CUEDC1: variants seen among roughly 807,000 people sequenced by gnomAD.
CUEDC1 encodes CUE domain-containing protein 1.
CUEDC1 carries 30 observed loss-of-function variants against 43.7 expected under a neutral mutation model. That is an observed-to-expected ratio of 0.69 (90% CI 0.51 to 0.93). The LOEUF is 0.93. CUEDC1 is among the 40% of genes least tolerant of loss of function. CUEDC1 has a pLI of 0.00. For missense variants in CUEDC1, 486 were observed against 549.0 expected (o/e 0.89, Z 1.15); for synonymous variants, 223 against 223.6 (o/e 1.00, Z 0.02).
intron 1 of CUEDC1, among the ~76,000 whole-genome samples, chr17:57,893,904 G>T (rs1417342267): frequency 6.6e-6 from 1 of 152,152 alleles, no homozygotes; most frequent in Non-Finnish European, 1.5e-5. Flanking sequence ...GACCAGCCTG[G>T]CCAAAATGGT....
At chr17:57,944,210 ATTTT>A (rs60055226) in intron 1 of CUEDC1, among the ~76,000 whole-genome samples, 3 of 139,818 alleles carry the variant, frequency 2.1e-5, no homozygotes, top group African/African-American at 5.2e-5. Context: ...ATATATATAT[ATTTT>A]TTTTTTTTTT....
chr17:57,902,142 G>A (rs1332818570), intron 1 of CUEDC1, among the ~76,000 whole-genome samples: 3 of 151,398 alleles, frequency 2.0e-5, no homozygotes, highest in Non-Finnish European at 2.9e-5. Context: ...AGGGAGCCAA[G>A]ATCACGCCAT....
At chr17:57,901,872 T>A (rs1014363430) in intron 1 of CUEDC1, among the ~76,000 whole-genome samples, 2 of 152,202 alleles carry the variant, frequency 1.3e-5, no homozygotes, top group African/African-American at 2.4e-5. Flanking sequence ...TCGATAATCA[T>A]CATTAAAATA....
At chr17:57,867,237 C>A in intron 9 of CUEDC1, 120 bp downstream of exon 9, 1 of 947,660 alleles carries the variant, frequency 1.1e-6, no homozygotes, top group South Asian at 1.4e-5. Context: ...ACCTGCCCAC[C>A]AACCCTCAGT....
chr17:57,951,881 T>C (rs2075010604), intron 1 of CUEDC1, among the ~76,000 whole-genome samples: 1 of 152,220 alleles, frequency 6.6e-6, no homozygotes, highest in South Asian at 2.1e-4. Context: ...CATTTATCAT[T>C]TATGACCTGC....
At chr17:57,925,233 C>T (rs181483064) in intron 1 of CUEDC1, among the ~76,000 whole-genome samples, 28 of 151,930 alleles carry the variant, frequency 1.8e-4, no homozygotes, top group Non-Finnish European at 3.1e-4. Context: ...TTTTCTTTAA[C>T]GAGCATGTAA....
chr17:57,926,956 G>A (rs2074753230), intron 1 of CUEDC1, among the ~76,000 whole-genome samples: 1 of 152,174 alleles, frequency 6.6e-6, no homozygotes, highest in African/African-American at 2.4e-5. Flanking sequence ...TGAAACAGGA[G>A]GAAACGTAGG....
intron 1 of CUEDC1, among the ~76,000 whole-genome samples, chr17:57,950,055 T>C (rs1294288719): frequency 1.3e-5 from 2 of 152,244 alleles, no homozygotes; most frequent in African/African-American, 4.8e-5. Context: ...AGCTAATCCA[T>C]GTGAAGTACT....
chr17:57,950,563 C>T (rs923277028), intron 1 of CUEDC1, among the ~76,000 whole-genome samples: 3 of 151,800 alleles, frequency 2.0e-5, no homozygotes, highest in African/African-American at 7.3e-5. Context: ...ACCTCCGCCT[C>T]CTGGGTTCAA....
At chr17:57,879,773 C>T (rs1597978067) in intron 2 of CUEDC1, 35 bp from the exon 3 acceptor site, 2 of 1,580,030 alleles carry the variant, frequency 1.3e-6, no homozygotes, top group South Asian at 1.2e-5. Flanking sequence ...AAATATTAAT[C>T]ATCCCTCCTT....
intron 4 of CUEDC1, 145 bp downstream of exon 4, chr17:57,873,446 T>C (rs961901961): frequency 4.2e-6 from 4 of 955,674 alleles, no homozygotes; most frequent in Admixed American, 2.8e-5. Flanking sequence ...AGTTCAGCAT[T>C]CCTGCCCTAC....
At chr17:57,903,122 T>A (rs994645819) in intron 1 of CUEDC1, 7 of 152,120 alleles carry the variant, frequency 4.6e-5, no homozygotes, top group Non-Finnish European at 7.3e-5. Context: ...CTGCGTTGAG[T>A]GCGTGGGTGC....
At chr17:57,880,710 T>C (rs1158614043) in intron 2 of CUEDC1, among the ~76,000 whole-genome samples, 1 of 152,206 alleles carries the variant, frequency 6.6e-6, no homozygotes, top group Non-Finnish European at 1.5e-5. Flanking sequence ...TCAAAGTATA[T>C]GTTCTCCTGC....
At chr17:57,926,436 A>G (rs2074748044) in intron 1 of CUEDC1, among the ~76,000 whole-genome samples, 1 of 151,988 alleles carries the variant, frequency 6.6e-6, no homozygotes, top group East Asian at 1.9e-4. Context: ...TTCCCATCCT[A>G]GATACTACAT....
chr17:57,948,144 A>G (rs1042725798), intron 1 of CUEDC1, among the ~76,000 whole-genome samples: 2 of 152,226 alleles, frequency 1.3e-5, no homozygotes, highest in Non-Finnish European at 2.9e-5. Context: ...TTCATCCAAC[A>G]AAGTTTACTG....
At chr17:57,944,701 A>G (rs2143223798) in intron 1 of CUEDC1, among the ~76,000 whole-genome samples, 1 of 152,336 alleles carries the variant, frequency 6.6e-6, no homozygotes, top group South Asian at 2.1e-4. Context: ...CAGAGCTAAG[A>G]CTGGAACTCC....
Position 57,862,397 on chromosome 17 carries a change from G to A in CUEDC1, c.*892C>T, listed in dbSNP as rs2073893175. 2 of 152,554 alleles carry A rather than the reference G, an allele frequency of 1.3e-5. No individual in the cohort carries two copies. Among genetic ancestry groups the A allele is most frequent in the Admixed American group, 6.5e-5 (1 of 15,308 alleles). The allele number at this position is 152,554 out of a possible 1,614,324, so 9.5% of individuals were successfully genotyped here. ...CCAGGACCCACCGCTGCCCACCCTC[G>A]GACAGCAGGGCTTCCAGTCCAGCTG... is the stretch of plus-strand genomic sequence containing the variant. On this transcript the variant is annotated 3_prime_UTR_variant, in exon 11 of 11. Transcript: ENST00000577830.
At position 57,871,379 on chromosome 17, in the gene CUEDC1, G is replaced by A. The variant is rs1462166960; in HGVS notation, c.785-10C>T. 6.2e-7 allele frequency: 1 copy of A among 1,612,338 alleles called. No homozygotes were observed. Among genetic ancestry groups the A allele is most frequent in the Non-Finnish European group, 8.5e-7 (1 of 1,179,154 alleles). On this transcript the variant is annotated splice_polypyrimidine_tract_variant and intron_variant, in intron 5 of 10. Coordinates refer to ENST00000577830, the MANE Select transcript of CUEDC1 (RefSeq NM_001271875.2). The stretch of plus-strand genomic sequence containing the variant: ...TCGTATTTCAATCGATCTGGAAAAG[G>A]ACCACATTCACAGGTCAGGGAGGTT...
chr17:57,946,007 A>T (rs990963540), intron 1 of CUEDC1, among the ~76,000 whole-genome samples: 3 of 152,116 alleles, frequency 2.0e-5, no homozygotes, highest in African/African-American at 7.2e-5. Context: ...TAAAAAATAA[A>T]AAAAAAACAC....
Sources: allele counts gnomAD v4.1 joint callset (sites outside exome capture counted in the v4.1 genomes callset), GRCh38; gene constraint gnomAD v4.1.1; transcripts MANE v1.5; gene names NCBI Gene and HGNC (gene_info 2026-07-23, HGNC 2026-07-21).